Variants in C14orf39 observed in about 807,000 individuals in gnomAD.
The protein encoded by C14orf39 is chromosome 14 open reading frame 39.
In C14orf39, 66 loss-of-function variants were observed where a neutral mutation model predicts 85.6. The ratio of observed to expected loss-of-function variants is 0.77; its 90% CI spans 0.63 to 0.95. C14orf39 has a LOEUF of 0.95. C14orf39 is among the 40% of genes least tolerant of loss of function. The probability of loss-of-function intolerance (pLI) is 0.00; values close to 1 mark genes in which losing one functional copy is unlikely to be tolerated. For synonymous variants in C14orf39, 242 were observed against 214.0 expected, an observed-to-expected ratio of 1.13 and a Z score of -1.14; for missense variants, 735 against 663.9, an observed-to-expected ratio of 1.11 and a Z score of -1.18.
Position 60,455,024 on chromosome 14 carries a change from C to T in C14orf39, c.1480G>A (p.Asp494Asn). ...ACCTGATCTGATGAGATTTCTGTATCAAATACAGAAGAATCAAATAAATTC... is the reference window on the plus strand; with the variant it reads ...ACCTGATCTGATGAGATTTCTGTATTAAATACAGAAGAATCAAATAAATTC... ...GLNLFDSSVF[D>N]TEISSDQFNE... Residue 494 changes from aspartate to asparagine, a missense_variant, in exon 16 of 18, where the codon GAT (aspartate) becomes AAT (asparagine). Physicochemically the swap from Asp to Asn is conservative, Grantham distance 23. Coordinates refer to ENST00000321731, the MANE Select transcript of C14orf39 (RefSeq NM_174978.3). The T allele has an allele frequency of 6.4e-7, 1 of 1,557,224 alleles. No individual in the cohort carries two copies. The highest frequency in any genetic ancestry group is 1.2e-5 in the South Asian group (1 of 81,746).
intron 1 of C14orf39, chr14:60,509,387 G>C: frequency 1.9e-6 from 3 of 1,598,882 alleles, no homozygotes; most frequent in Non-Finnish European, 1.7e-6. Flanking sequence ...CGCCGCCGCC[G>C]GCACTGCCTC....
At position 60,485,040 on chromosome 14, in the gene C14orf39, C is replaced by CA; in HGVS notation, c.38dup (p.Leu13PhefsTer9). 1 of 1,609,182 alleles carries CA rather than the reference C, an allele frequency of 6.2e-7. No homozygotes were observed. Among genetic ancestry groups the CA allele is most frequent in the Non-Finnish European group, 8.5e-7 (1 of 1,179,038 alleles). The stretch of plus-strand genomic sequence containing the variant: ...TCACTTTATACCTACCAAATTCTAG[C>CA]AAAAGTCTGTCCAAACTGACAAACA... On this transcript the variant is annotated frameshift_variant, in exon 2 of 18. Transcript: ENST00000321731. LOFTEE classifies it high-confidence loss of function.
chr14:60,509,942 A>T, intron 1 of C14orf39: 5 of 1,609,218 alleles, frequency 3.1e-6, no homozygotes, highest in Non-Finnish European at 4.2e-6. Flanking sequence ...CCGCCGACAA[A>T]GGGACCGAGC....
intron 1 of C14orf39, among the ~76,000 whole-genome samples, 198 bp downstream of exon 1, chr14:60,485,747 G>A (rs540664116): frequency 7.6e-4 from 115 of 151,940 alleles, no homozygotes; most frequent in African/African-American, 2.6e-3. Flanking sequence ...GCTTCCCCTC[G>A]CCCGAGGCTG....
chr14:60,439,579 CAGA>C (rs1389815993), intron 17 of C14orf39, among the ~76,000 whole-genome samples: 2 of 152,236 alleles, frequency 1.3e-5, no homozygotes, highest in Middle Eastern at 3.4e-3. Context: ...TCAGGGACGT[CAGA>C]AGGAGAGCAA....
At position 60,491,821 on chromosome 14, in the gene C14orf39, T is replaced by C. The variant is rs1892994019; in HGVS notation, c.-8-6735A>G. On this transcript the variant is annotated intron_variant, in intron 2 of 5. Coordinates refer to the C14orf39 transcript ENST00000556799. This position sits in a 1 kb window ranked among gnomAD's most constrained non-coding sequence, Gnocchi z 4.5. ...TAAATATTCTCTCTCTCTTTTTCTC[T>C]CTCTCTCTCTCTCTCACACACACAC... is the stretch of plus-strand genomic sequence containing the variant. Among the ~76,000 whole-genome samples, 1 of 150,658 alleles carries C rather than the reference T, an allele frequency of 6.6e-6. No individual in the cohort carries two copies. Among genetic ancestry groups the C allele is most frequent in the South Asian group, 2.1e-4 (1 of 4,820 alleles).
chr14:60,451,846 G>T (rs1295513555), intron 16 of C14orf39, among the ~76,000 whole-genome samples: 1 of 151,724 alleles, frequency 6.6e-6, no homozygotes, highest in Non-Finnish European at 1.5e-5. Flanking sequence ...TAAAAATAGA[G>T]AAATTTTAAA....
chr14:60,471,564 TAA>T lies in C14orf39; in HGVS notation c.497_498del (p.Phe166TyrfsTer14). 1 of 1,591,026 alleles carries T rather than the reference TAA, an allele frequency of 6.3e-7. No individual in the cohort carries two copies. The highest frequency in any genetic ancestry group is 1.4e-5 in the African/African-American group (1 of 73,488). On this transcript the variant is annotated frameshift_variant, in exon 6 of 18. Transcript: ENST00000321731. LOFTEE classifies it high-confidence loss of function. ...TEQLKMNETIFMKFRVPAPFP... is the reference protein window; with the variant it reads ...TEQLKMNETIXMKFRVPAPFP... The stretch of plus-strand genomic sequence containing the variant: ...AAAATATTAATACCTCGAAATTTCA[TAA>T]AAATTGTTTCATTCATTTTTAATTG...
intron 13 of C14orf39, among the ~76,000 whole-genome samples, chr14:60,460,696 TATAC>T (rs1484355836): frequency 6.6e-6 from 1 of 151,802 alleles, no homozygotes; most frequent in Non-Finnish European, 1.5e-5. Context: ...TGTGTGTGTA[TATAC>T]ATAGAGAGAA....
chr14:60,474,918 A>G (rs937170996), intron 5 of C14orf39, among the ~76,000 whole-genome samples: 1 of 152,148 alleles, frequency 6.6e-6, no homozygotes, highest in Non-Finnish European at 1.5e-5. Context: ...GGCCTCATAA[A>G]ATGAGTTAGG....
intron 16 of C14orf39, among the ~76,000 whole-genome samples, chr14:60,454,351 T>C (rs971796232): frequency 3.9e-5 from 6 of 151,934 alleles, no homozygotes; most frequent in Non-Finnish European, 7.4e-5. Context: ...GTGTATAAAC[T>C]CTAATACTCA....
chr14:60,504,115 T>G (rs540329267), intron 1 of C14orf39, among the ~76,000 whole-genome samples: 1 of 152,226 alleles, frequency 6.6e-6, no homozygotes, highest in South Asian at 2.1e-4. Flanking sequence ...CCCCTGGAAG[T>G]GGGGAAACAG....
chr14:60,476,613 A>G (rs183735295), intron 5 of C14orf39, among the ~76,000 whole-genome samples: 2 of 152,354 alleles, frequency 1.3e-5, no homozygotes, highest in African/African-American at 4.8e-5. Context: ...GAAGTCCTCT[A>G]TAACAAACAC....
chr14:60,514,864 A>G (rs958498348), intron 1 of C14orf39, among the ~76,000 whole-genome samples: 8 of 152,152 alleles, frequency 5.3e-5, no homozygotes, highest in Admixed American at 3.9e-4. Flanking sequence ...TGTGAGGCGG[A>G]GCCCGGGGGC....
Position 60,484,910 on chromosome 14 carries a change from G to A in C14orf39, c.77C>T (p.Thr26Ile). The A allele has an allele frequency of 6.4e-7, 1 of 1,568,598 alleles. No homozygotes were observed. Among genetic ancestry groups the A allele is most frequent in the Non-Finnish European group, 8.7e-7 (1 of 1,153,052 alleles). ...AATTCTTTGAATCATCTCTTCTTTA[G>A]TACTTATGTCTTGCTCATACTGGAA... is the stretch of plus-strand genomic sequence containing the variant. ...FVFQYEQDISTKEEMIQRINK... is the reference protein window; with the variant it reads ...FVFQYEQDISIKEEMIQRINK... Residue 26 changes from threonine to isoleucine, a missense_variant, in exon 3 of 18, where the codon ACT becomes ATT. Coordinates refer to ENST00000321731, the MANE Select transcript of C14orf39 (RefSeq NM_174978.3). This position sits in a 1 kb window ranked among gnomAD's most constrained non-coding sequence, Gnocchi z 4.2.
At chr14:60,467,124 A>G (rs1032413776) in intron 9 of C14orf39, 80 bp from the exon 10 acceptor site, 1 of 654,162 alleles carries the variant, frequency 1.5e-6, no homozygotes. Context: ...ATATTTAGAT[A>G]CTATATAATA....
At chr14:60,490,642 T>TA (rs60434426), upstream of C14orf39, among the ~76,000 whole-genome samples, 4,973 of 151,788 alleles carry the variant, frequency 0.033, 279 homozygotes, top group African/African-American at 0.11. Flanking sequence ...AATAATAAAG[T>TA]AAAAAATTTT....
In C14orf39 at chr14:60,486,008, A is replaced by T. The variant is rs568435846; in HGVS notation, c.-72T>A. On this transcript the variant is annotated 5_prime_UTR_variant, in exon 1 of 18. Transcript: ENST00000321731. ...CTCCCTGGGGTCCCAAACTCCACTC[A>T]GGACGCCACAGCGGATCCTAACTAC... is the stretch of plus-strand genomic sequence containing the variant. 6.5e-6 allele frequency: 1 copy of T among 153,142 alleles called. No individual in the cohort carries two copies. The highest frequency in any genetic ancestry group is 2.1e-4 in the South Asian group (1 of 4,838). The allele number at this position is 153,142 out of a possible 1,614,324, so 9.5% of individuals were successfully genotyped here.
intron 1 of C14orf39, among the ~76,000 whole-genome samples, chr14:60,510,423 C>G (rs1267505994): frequency 6.6e-6 from 1 of 152,184 alleles, no homozygotes; most frequent in African/African-American, 2.4e-5. Context: ...GCTTTGAAAA[C>G]AGTTTTCAAT....
Sources: gnomAD v4.1 joint callset for allele counts (sites outside exome capture counted in the v4.1 genomes callset) on GRCh38, gnomAD v4.1.1 for gene constraint, Gnocchi (gnomAD v3.1) non-coding constraint, MANE v1.5 for transcripts, NCBI Gene and HGNC (gene_info 2026-07-23, HGNC 2026-07-21) for gene names.